AGBL1: variants seen among roughly 807,000 people sequenced by gnomAD.
AGBL1 encodes the protein AGBL carboxypeptidase 1.
Under a neutral mutation model 118.9 loss-of-function variants are expected in AGBL1, and 130 were observed. The ratio of observed to expected loss-of-function variants is 1.09; its 90% CI spans 0.95 to 1.26. AGBL1 has a LOEUF of 1.26. Among genes scored for constraint, AGBL1 ranks in the 50% most tolerant of loss-of-function variants. The probability of loss-of-function intolerance (pLI) is 0.00; values close to 1 mark genes in which losing one functional copy is unlikely to be tolerated. For synonymous variants in AGBL1, 555 were observed against 478.9 expected (o/e 1.16, Z -2.08); for missense variants, 1,584 against 1,298.1 (o/e 1.22, Z -3.38).
At chr15:86,226,882 G>A (rs751386821) in intron 6 of AGBL1, among the ~76,000 whole-genome samples, 16 of 152,204 alleles carry the variant, frequency 1.1e-4, no homozygotes, top group Non-Finnish European at 2.1e-4. Context: ...ACATTGTGAT[G>A]AAATTGCTAT....
At chr15:86,424,537 T>C (rs1268926937) in intron 18 of AGBL1, among the ~76,000 whole-genome samples, 12 of 152,080 alleles carry the variant, frequency 7.9e-5, no homozygotes, top group Admixed American at 7.2e-4. Context: ...AATTGACAAA[T>C]GGGATCTAAT....
chr15:86,551,972 G>A (rs12102161), intron 20 of AGBL1, among the ~76,000 whole-genome samples: 2,149 of 152,230 alleles, frequency 0.014, 51 homozygotes, highest in African/African-American at 0.049. Flanking sequence ...GTTGCCAGGA[G>A]TTTGGAAGGA....
chr15:86,610,819 C>A (rs1025093562), intron 21 of AGBL1, among the ~76,000 whole-genome samples: 2 of 152,136 alleles, frequency 1.3e-5, no homozygotes, highest in African/African-American at 4.8e-5. Context: ...CACTTTCTTG[C>A]CTTTTGTCTT....
At chr15:86,489,746 C>T (rs1006513571) in intron 18 of AGBL1, among the ~76,000 whole-genome samples, 10 of 152,192 alleles carry the variant, frequency 6.6e-5, no homozygotes, top group Admixed American at 2.6e-4. Context: ...AAGACATTTG[C>T]GATTTTGCCC....
intron 24 of AGBL1, among the ~76,000 whole-genome samples, chr15:87,006,341 C>T (rs540097220): frequency 6.6e-6 from 1 of 152,144 alleles, no homozygotes. Flanking sequence ...GGACTCCACT[C>T]AGTTCAAGCT....
At chr15:86,745,318 A>G (rs541746195) in intron 22 of AGBL1, among the ~76,000 whole-genome samples, 1 of 152,218 alleles carries the variant, frequency 6.6e-6, no homozygotes, top group East Asian at 1.9e-4. Context: ...GGGAATATAG[A>G]GGCTGTAAGT....
At chr15:86,876,529 G>C (rs2079811282) in intron 22 of AGBL1, among the ~76,000 whole-genome samples, 1 of 152,212 alleles carries the variant, frequency 6.6e-6, no homozygotes, top group Non-Finnish European at 1.5e-5. Context: ...GTTGCCATGA[G>C]TTCTGGGTCA....
intron 22 of AGBL1, among the ~76,000 whole-genome samples, chr15:86,884,035 A>T (rs1269055424): frequency 2.6e-5 from 4 of 152,188 alleles, no homozygotes; most frequent in African/African-American, 4.8e-5. Context: ...TAGAATATTC[A>T]TCCTTACCAT....
chr15:87,005,651 C>T (rs150445980), intron 24 of AGBL1, among the ~76,000 whole-genome samples: 1 of 152,184 alleles, frequency 6.6e-6, no homozygotes, highest in East Asian at 1.9e-4. Context: ...TCCTCTAGCT[C>T]AGAGAAGTTT....
intron 18 of AGBL1, among the ~76,000 whole-genome samples, chr15:86,423,195 C>G (rs369153031): frequency 6.6e-6 from 1 of 152,172 alleles, no homozygotes; most frequent in South Asian, 2.1e-4. Context: ...CAATAAAACA[C>G]TGGCAAACTG....
intron 17 of AGBL1, among the ~76,000 whole-genome samples, chr15:86,311,442 C>T (rs886354238): frequency 1.3e-5 from 2 of 152,092 alleles, no homozygotes; most frequent in Non-Finnish European, 2.9e-5. Context: ...TGCTATTCTA[C>T]GTTTAGAATT....
rs181544062 is a variant in AGBL1, at chr15:86,178,677, C to T, written c.488+19651C>T. Among the ~76,000 whole-genome samples, 400 of 152,250 alleles carry T rather than the reference C, an allele frequency of 2.6e-3. 3 individuals are homozygous for T. The highest frequency in any genetic ancestry group is 3.5e-3 in the Non-Finnish European group (240 of 68,022). On this transcript the variant is annotated intron_variant, in intron 5 of 22. Transcript: ENST00000614907. ...CATTTAAAAATAAATAATAAAAATT[C>T]TGTACAAACTCTTGGAGAAAATTTA...
intron 23 of AGBL1, among the ~76,000 whole-genome samples, chr15:86,943,237 T>C (rs1818613407): frequency 1.3e-5 from 2 of 152,206 alleles, no homozygotes; most frequent in Admixed American, 1.3e-4. Context: ...ACATCACTTT[T>C]AAGATTAGCA....
At chr15:86,154,202 T>C (rs1279913138) in intron 3 of AGBL1, among the ~76,000 whole-genome samples, 1 of 152,232 alleles carries the variant, frequency 6.6e-6, no homozygotes, top group Non-Finnish European at 1.5e-5. Flanking sequence ...GCTTGAGAGT[T>C]ATTCAACCCA....
chr15:86,925,143 AGAG>A (rs1176964792), intron 23 of AGBL1, among the ~76,000 whole-genome samples: 1 of 80,532 alleles, frequency 1.2e-5, no homozygotes, highest in Admixed American at 1.4e-4. Flanking sequence ...AGGAAGAGGA[AGAG>A]GAGGAGGAGG....
At chr15:86,760,978 G>A (rs2078014748) in intron 22 of AGBL1, among the ~76,000 whole-genome samples, 1 of 152,088 alleles carries the variant, frequency 6.6e-6, no homozygotes. Context: ...CAATAGCGAT[G>A]TGTAGACAGA....
intron 16 of AGBL1, among the ~76,000 whole-genome samples, chr15:86,284,106 A>G (rs976399917): frequency 1.3e-5 from 2 of 151,426 alleles, no homozygotes; most frequent in Non-Finnish European, 2.9e-5. Flanking sequence ...TAAAGCATTT[A>G]TTGTTTTTTA....
At chr15:86,184,433 C>T (rs200242812) in intron 5 of AGBL1, among the ~76,000 whole-genome samples, 3,827 of 136,110 alleles carry the variant, frequency 0.028, 93 homozygotes, top group East Asian at 0.075. Flanking sequence ...TTTTTTCTTT[C>T]TTTTTTTTTT....
At chr15:86,649,259 G>T (rs1029286116) in intron 21 of AGBL1, among the ~76,000 whole-genome samples, 1 of 152,134 alleles carries the variant, frequency 6.6e-6, no homozygotes, top group Non-Finnish European at 1.5e-5. Flanking sequence ...AAGAGGTTGT[G>T]GGAGTCTTTG....
Sources: allele counts gnomAD v4.1 joint callset (sites outside exome capture counted in the v4.1 genomes callset), GRCh38; gene constraint gnomAD v4.1.1; transcripts MANE v1.5; gene names NCBI Gene and HGNC (gene_info 2026-07-23, HGNC 2026-07-21).